F10: variants seen among roughly 807,000 people sequenced by gnomAD.
F10 encodes Stuart-Prower factor.
F10 carries 29 observed loss-of-function variants against 37.1 expected under a neutral mutation model. That is an observed-to-expected ratio of 0.78 (90% confidence interval 0.58 to 1.07). F10 has a LOEUF of 1.07. Among genes scored for constraint, F10 ranks in the 50% least tolerant of loss-of-function variants. F10 has a pLI of 0.00. For synonymous variants in F10, 262 were observed against 268.6 expected, an observed-to-expected ratio of 0.98 and a Z score of 0.24; for missense variants, 539 against 667.9, an observed-to-expected ratio of 0.81 and a Z score of 2.13.
In F10 at chr13:113,147,468, C is replaced by A. The variant is rs1250509122; in HGVS notation, c.837C>A (p.Tyr279Ter). 11 of 1,613,688 alleles carry A rather than the reference C, an allele frequency of 6.8e-6. No homozygotes were observed. The highest frequency in any genetic ancestry group is 9.3e-6 in the Non-Finnish European group (11 of 1,179,584). Residue 279 changes from tyrosine (Y) to a stop codon, truncating the protein, a stop_gained, in exon 7 of 8, where the codon TAC becomes TAA. Coordinates refer to ENST00000375559, the MANE Select transcript of F10 (RefSeq NM_000504.4). LOFTEE classifies it low-confidence loss of function (END_TRUNC). ...FYILTAAHCL[Y>*]QAKRFKVRVG... is the part of the protein sequence containing the mutation. ...TCCTAACGGCAGCCCACTGTCTCTA[C>A]CAAGCCAAGAGATTCAAGGTGAGGG...
Position 113,144,445 on chromosome 13 carries a change from G to A in F10, c.747+350G>A, listed in dbSNP as rs1412333695. Reference sequence around the variant, plus strand: ...AGAAGGCGCAGCCACACGCTCAAGTGTCCTCAAACCTCCCCTACACCAGGA... The same window carrying A: ...AGAAGGCGCAGCCACACGCTCAAGTATCCTCAAACCTCCCCTACACCAGGA... On this transcript the variant is annotated intron_variant, in intron 6 of 7. Coordinates refer to ENST00000375559, the MANE Select transcript of F10 (RefSeq NM_000504.4). This position sits in a 1 kb window ranked among gnomAD's most constrained non-coding sequence, Gnocchi z 6.4. 6.6e-6 allele frequency among the ~76,000 whole-genome samples: 1 copy of A among 152,256 alleles called. No homozygotes were observed. Among genetic ancestry groups the A allele is most frequent in the African/African-American group, 2.4e-5 (1 of 41,482 alleles).
chr13:113,142,762 TA>T (rs5806975), intron 5 of F10, among the ~76,000 whole-genome samples: 84,210 of 127,726 alleles, frequency 0.66, 28,111 homozygotes, highest in Middle Eastern at 0.73. Context: ...CCTGTCTCTA[TA>T]AAAAAAAAAA....
At chr13:113,145,896 G>A (rs2036578505) in intron 6 of F10, among the ~76,000 whole-genome samples, 1 of 152,202 alleles carries the variant, frequency 6.6e-6, no homozygotes, top group Non-Finnish European at 1.5e-5. Flanking sequence ...TACAGTTTGA[G>A]ATGAGATTTG....
chr13:113,141,669 T>C lies in F10; in HGVS notation c.502+619T>C, dbSNP rs907537656. 1.3e-5 allele frequency among the ~76,000 whole-genome samples: 2 copies of C among 152,268 alleles called. No homozygotes were observed. The highest frequency in any genetic ancestry group is 4.8e-5 in the African/African-American group (2 of 41,552). ...CTCCCTGTCCTGACCCCGTGGGCATTGCCTACGCTGGGCTTGCCTGGCTGC... is the reference window on the plus strand; with the variant it reads ...CTCCCTGTCCTGACCCCGTGGGCATCGCCTACGCTGGGCTTGCCTGGCTGC... On this transcript the variant is annotated intron_variant, in intron 5 of 7. Transcript: ENST00000375559. This position sits in a 1 kb window ranked among gnomAD's most constrained non-coding sequence, Gnocchi z 5.4.
Position 113,139,563 on chromosome 13 carries a change from T to C in F10, c.370+93T>C. 3.3e-6 allele frequency: 3 copies of C among 910,848 alleles called. No homozygotes were observed. Among genetic ancestry groups the C allele is most frequent in the South Asian group, 1.4e-5 (1 of 72,650 alleles). 56.4% of individuals were successfully genotyped at this position (910,848 alleles called of 1,614,324 possible). A position where few individuals can be genotyped will look rare whatever the true frequency, so the allele number is the denominator to read the frequency against. On this transcript the variant is annotated intron_variant, in intron 4 of 7. Coordinates refer to ENST00000375559, the MANE Select transcript of F10 (RefSeq NM_000504.4). This position sits in a 1 kb window ranked among gnomAD's most constrained non-coding sequence, Gnocchi z 5.2. Reference sequence around the variant, plus strand: ...GAAGTGAAAACGCCTAATGAAACAATCTTAAGTCATTTCTGATTTACAAAG... The same window carrying C: ...GAAGTGAAAACGCCTAATGAAACAACCTTAAGTCATTTCTGATTTACAAAG...
intron 1 of F10, among the ~76,000 whole-genome samples, chr13:113,126,624 A>T (rs1261811695): frequency 2.0e-5 from 3 of 152,170 alleles, no homozygotes; most frequent in Admixed American, 6.5e-5. Flanking sequence ...GCATATGTCC[A>T]TCTGGCCACA....
intron 1 of F10, among the ~76,000 whole-genome samples, chr13:113,129,118 T>C (rs978570071): frequency 5.9e-5 from 9 of 152,196 alleles, no homozygotes; most frequent in Non-Finnish European, 1.3e-4. Flanking sequence ...ATCTTATTGC[T>C]ACAAAGACTC....
At chr13:113,140,041 T>G (rs1180224077) in intron 4 of F10, among the ~76,000 whole-genome samples, 2 of 152,012 alleles carry the variant, frequency 1.3e-5, no homozygotes, top group Non-Finnish European at 2.9e-5. Context: ...GGAAAAAGAT[T>G]TGCATTTCTT....
At chr13:113,135,671 G>C (rs1224449512) in intron 2 of F10, among the ~76,000 whole-genome samples, 1 of 152,184 alleles carries the variant, frequency 6.6e-6, no homozygotes, top group Admixed American at 6.5e-5. Flanking sequence ...GACCATAGCA[G>C]TGTTGGAACA....
chr13:113,131,752 G>T (rs2036436393), intron 2 of F10: 1 of 152,206 alleles, frequency 6.6e-6, no homozygotes. Context: ...TGAGCACTTT[G>T]AGCTATTTGT....
chr13:113,132,509 G>A (rs1481667601), intron 2 of F10, among the ~76,000 whole-genome samples: 3 of 152,310 alleles, frequency 2.0e-5, no homozygotes, highest in East Asian at 3.9e-4. Flanking sequence ...AGAGAGAGAC[G>A]ACTGAATTAA....
At position 113,129,544 on chromosome 13, in the gene F10, A is replaced by C. The variant is rs2142252417; in HGVS notation, c.163A>C (p.Arg55=). 6.2e-7 allele frequency: 1 copy of C among 1,614,184 alleles called. No individual in the cohort carries two copies. Among genetic ancestry groups the C allele is most frequent in the South Asian group, 1.1e-5 (1 of 91,090 alleles). ...AGAGATGAAGAAAGGACACCTCGAA[A>C]GAGAGTGCATGGAAGAGACCTGCTC... ...LEEMKKGHLE[R]ECMEETCSYE... is the part of the protein sequence containing the mutation. Residue 55 remains arginine, a synonymous_variant, in exon 2 of 8, where the codon AGA becomes CGA. Coordinates refer to ENST00000375559, the MANE Select transcript of F10 (RefSeq NM_000504.4).
chr13:113,123,567 G>A (rs142530519), intron 1 of F10, among the ~76,000 whole-genome samples: 28 of 152,286 alleles, frequency 1.8e-4, no homozygotes, highest in East Asian at 1.7e-3. Context: ...GTGGGGACAC[G>A]AGAGACAGGG....
chr13:113,128,067 C>G (rs2036387451), intron 1 of F10: 1 of 152,112 alleles, frequency 6.6e-6, no homozygotes, highest in Non-Finnish European at 1.5e-5. Flanking sequence ...TCATAGAGAA[C>G]TGGGGGGAGG....
intron 1 of F10, among the ~76,000 whole-genome samples, chr13:113,127,766 T>C (rs2036384140): frequency 6.6e-6 from 1 of 152,230 alleles, no homozygotes; most frequent in Non-Finnish European, 1.5e-5. Flanking sequence ...TGGCACTTCA[T>C]AAATTGTACT....
intron 2 of F10, among the ~76,000 whole-genome samples, chr13:113,134,549 C>A (rs2036461562): frequency 1.3e-5 from 2 of 152,238 alleles, no homozygotes; most frequent in Middle Eastern, 3.4e-3. Context: ...GAGGAACCAC[C>A]CTCACGATTC....
rs1383245280 is a variant in F10 at position 113,139,662 on chromosome 13, C to T, written c.370+192C>T. On this transcript the variant is annotated intron_variant, in intron 4 of 7. Coordinates refer to ENST00000375559, the MANE Select transcript of F10 (RefSeq NM_000504.4). This position sits in a 1 kb window ranked among gnomAD's most constrained non-coding sequence, Gnocchi z 5.2. ...AAAAAGCCCCAATATGTCCCCCAAA[C>T]GATTCGGTTTGGGGGCATGATGAGA... is the stretch of plus-strand genomic sequence containing the variant. Among the ~76,000 whole-genome samples the T allele has an allele frequency of 6.6e-6, 1 of 151,972 alleles. No homozygotes were observed. The highest frequency in any genetic ancestry group is 2.4e-5 in the African/African-American group (1 of 41,378).
intron 1 of F10, among the ~76,000 whole-genome samples, chr13:113,124,191 T>C (rs1451319051): frequency 1.3e-5 from 2 of 152,198 alleles, no homozygotes; most frequent in East Asian, 3.9e-4. Context: ...GAAGCTGCTC[T>C]GGCTTATTGG....
At chr13:113,145,306 G>A (rs1490139570) in intron 6 of F10, among the ~76,000 whole-genome samples, 9 of 152,234 alleles carry the variant, frequency 5.9e-5, no homozygotes, top group Admixed American at 5.2e-4. Context: ...AGTTACAGGT[G>A]TGAGCCACTA....
Sources: gnomAD v4.1 joint callset for allele counts (sites outside exome capture counted in the v4.1 genomes callset) on GRCh38, gnomAD v4.1.1 for gene constraint, Gnocchi (gnomAD v3.1) non-coding constraint, MANE v1.5 for transcripts, NCBI Gene and HGNC (gene_info 2026-07-23, HGNC 2026-07-21) for gene names.